C8orf34: variants seen among roughly 807,000 people sequenced by gnomAD.
The protein encoded by C8orf34 is uncharacterized protein C8orf34.
Under a neutral mutation model 68.3 loss-of-function variants are expected in C8orf34, and 65 were observed. The ratio of observed to expected loss-of-function variants is 0.95; its 90% CI spans 0.78 to 1.17. The LOEUF is 1.17. Ranked by LOEUF, C8orf34 falls within the 50% of genes most tolerant of loss-of-function variation. The pLI is 0.00. For missense variants in C8orf34, 664 were observed against 655.4 expected, an observed-to-expected ratio of 1.01 and a Z score of -0.14; for synonymous variants, 244 against 241.2, an observed-to-expected ratio of 1.01 and a Z score of -0.11.
At chr8:68,578,085 A>C (rs913701971) in intron 7 of C8orf34, among the ~76,000 whole-genome samples, 1 of 152,014 alleles carries the variant, frequency 6.6e-6, no homozygotes, top group African/African-American at 2.4e-5. Flanking sequence ...GTAAAAAAAT[A>C]AAGGAAGGAA....
At chr8:68,534,595 T>C (rs1357896079) in intron 7 of C8orf34, 3 of 978,546 alleles carry the variant, frequency 3.1e-6, no homozygotes, top group Non-Finnish European at 3.6e-6. Flanking sequence ...AGCCGATTAC[T>C]CTGGCTAGTC....
At chr8:68,463,749 T>C (rs1370016585) in intron 3 of C8orf34, among the ~76,000 whole-genome samples, 1 of 152,228 alleles carries the variant, frequency 6.6e-6, no homozygotes, top group East Asian at 1.9e-4. Flanking sequence ...CAACGCTTCA[T>C]GCTAAAAGCT....
chr8:68,672,340 T>G (rs1314422272), intron 8 of C8orf34, among the ~76,000 whole-genome samples: 2 of 152,194 alleles, frequency 1.3e-5, no homozygotes, highest in African/African-American at 4.8e-5. Flanking sequence ...GGTTTTAACT[T>G]CATATCACTG....
intron 1 of C8orf34, among the ~76,000 whole-genome samples, chr8:68,341,007 A>G (rs1210371792): frequency 3.9e-5 from 6 of 152,242 alleles, no homozygotes; most frequent in Admixed American, 3.9e-4. Context: ...CCAATTAGAA[A>G]ATCAATGTAA....
intron 8 of C8orf34, among the ~76,000 whole-genome samples, chr8:68,687,004 C>T (rs1260461873): frequency 6.6e-6 from 1 of 151,936 alleles, no homozygotes. Context: ...AGGACTCAAC[C>T]CCCTTTACCA....
At chr8:68,751,002 T>C (rs1323372860) in intron 10 of C8orf34, among the ~76,000 whole-genome samples, 1 of 152,188 alleles carries the variant, frequency 6.6e-6, no homozygotes. Context: ...GATTTTACAC[T>C]GTATTTTGTT....
chr8:68,605,709 A>G (rs1211826679), intron 7 of C8orf34, among the ~76,000 whole-genome samples: 10 of 152,150 alleles, frequency 6.6e-5, no homozygotes, highest in Non-Finnish European at 1.5e-4. Context: ...AGTGTTTGCC[A>G]GGGCTTGAGG....
chr8:68,561,800 A>G (rs1397613195), intron 7 of C8orf34, among the ~76,000 whole-genome samples: 1 of 152,126 alleles, frequency 6.6e-6, no homozygotes, highest in East Asian at 1.9e-4. Context: ...AACAAACAAA[A>G]AAACAAGGGC....
At chr8:68,685,990 G>A (rs747051114) in intron 8 of C8orf34, among the ~76,000 whole-genome samples, 12 of 151,836 alleles carry the variant, frequency 7.9e-5, no homozygotes, top group East Asian at 3.9e-4. Flanking sequence ...AAGATCATTC[G>A]AGACTACTAT....
intron 8 of C8orf34, among the ~76,000 whole-genome samples, chr8:68,690,659 C>G (rs936738601): frequency 2.6e-5 from 4 of 151,850 alleles, no homozygotes; most frequent in African/African-American, 9.7e-5. Context: ...TCATAAAGGC[C>G]CATTTCTTAT....
intron 8 of C8orf34, among the ~76,000 whole-genome samples, chr8:68,668,104 A>T (rs1819895761): frequency 6.6e-6 from 1 of 152,158 alleles, no homozygotes; most frequent in Admixed American, 6.5e-5. Flanking sequence ...AATCCTTTTG[A>T]AAGTATAAAT....
intron 8 of C8orf34, among the ~76,000 whole-genome samples, chr8:68,682,847 A>G (rs1820408001): frequency 6.6e-6 from 1 of 152,094 alleles, no homozygotes; most frequent in Non-Finnish European, 1.5e-5. Context: ...ATTCTTTTCA[A>G]ATTTTGTTTA....
chr8:68,558,309 G>A (rs1236212966), intron 7 of C8orf34, among the ~76,000 whole-genome samples: 4 of 151,940 alleles, frequency 2.6e-5, no homozygotes, highest in African/African-American at 9.7e-5. Context: ...CTCATTTTAG[G>A]TTTTGAATCT....
intron 7 of C8orf34, among the ~76,000 whole-genome samples, chr8:68,610,867 T>G (rs1231699719): frequency 6.7e-6 from 1 of 149,532 alleles, no homozygotes; most frequent in Non-Finnish European, 1.5e-5. Context: ...TTTGGTTTTT[T>G]TTTTTTTTTT....
chr8:68,376,964 C>A (rs1221463759), intron 1 of C8orf34, among the ~76,000 whole-genome samples: 1 of 152,116 alleles, frequency 6.6e-6, no homozygotes, highest in Non-Finnish European at 1.5e-5. Flanking sequence ...CTCAGAGTTC[C>A]AAATTTCCCA....
chr8:68,615,436 T>C lies in C8orf34; in HGVS notation c.1106-24940T>C, dbSNP rs912118399. 3.7e-4 allele frequency among the ~76,000 whole-genome samples: 57 copies of C among 152,074 alleles called. 1 individual carries two copies. The highest frequency in any genetic ancestry group is 1.3e-4 in the Admixed American group (2 of 15,266). ...ATATTGGCTGTGGGTTTGTCATAGA[T>C]AGTTCTTGTTATTTTGAGATACGTC... On this transcript the variant is annotated intron_variant, in intron 7 of 13. Coordinates refer to ENST00000518698, the MANE Select transcript of C8orf34 (RefSeq NM_052958.4).
At chr8:68,635,444 A>G (rs1186863798) in intron 7 of C8orf34, among the ~76,000 whole-genome samples, 5 of 152,220 alleles carry the variant, frequency 3.3e-5, no homozygotes, top group Non-Finnish European at 7.3e-5. Context: ...TTGTGGCTCC[A>G]AGATAAAAAA....
chr8:68,483,692 AGT>A (rs1418176303), intron 4 of C8orf34, among the ~76,000 whole-genome samples: 1 of 152,212 alleles, frequency 6.6e-6, no homozygotes, highest in Non-Finnish European at 1.5e-5. Flanking sequence ...GCCTGCGCAC[AGT>A]GAGACCTCTT....
chr8:68,452,867 C>G (rs1434702148), intron 3 of C8orf34, among the ~76,000 whole-genome samples: 2 of 151,218 alleles, frequency 1.3e-5, no homozygotes, highest in Non-Finnish European at 3.0e-5. Flanking sequence ...TGACTTATCT[C>G]TATAATTTCT....
Sources: allele counts gnomAD v4.1 joint callset (sites outside exome capture counted in the v4.1 genomes callset), GRCh38; gene constraint gnomAD v4.1.1; transcripts MANE v1.5; gene names NCBI Gene and HGNC (gene_info 2026-07-23, HGNC 2026-07-21).